SEMA6D: variants seen among roughly 807,000 people sequenced by gnomAD.
SEMA6D encodes the protein semaphorin 6D.
SEMA6D carries 35 observed loss-of-function variants against 106.6 expected under a neutral mutation model. The observed-to-expected ratio is 0.33, with a 90% CI of 0.25 to 0.44. SEMA6D has a LOEUF of 0.44. Among genes scored for constraint, SEMA6D ranks in the 20% least tolerant of loss-of-function variants. SEMA6D has a pLI of 1.00. For synonymous variants in SEMA6D, 499 were observed against 487.7 expected (o/e 1.02, Z -0.31); for missense variants, 1,185 against 1,345.9 (o/e 0.88, Z 1.87).
chr15:47,573,205 C>CA (rs200051619), intron 3 of SEMA6D, among the ~76,000 whole-genome samples: 2,506 of 151,004 alleles, frequency 0.017, 41 homozygotes, highest in South Asian at 0.03. Flanking sequence ...TTTGATTTAA[C>CA]AAAAAAATCA....
chr15:47,479,376 G>A (rs2141276253), intron 3 of SEMA6D, among the ~76,000 whole-genome samples: 1 of 152,152 alleles, frequency 6.6e-6, no homozygotes, highest in African/African-American at 2.4e-5. Context: ...GTAAGAGGCA[G>A]GCTTGATGCT....
At chr15:47,555,360 C>T (rs573884823) in intron 3 of SEMA6D, among the ~76,000 whole-genome samples, 1 of 152,246 alleles carries the variant, frequency 6.6e-6, no homozygotes, top group South Asian at 2.1e-4. Flanking sequence ...AAAGAGAACT[C>T]ATTCATGCCA....
At chr15:47,419,204 A>G (rs1409429382) in intron 2 of SEMA6D, among the ~76,000 whole-genome samples, 3 of 152,120 alleles carry the variant, frequency 2.0e-5, no homozygotes, top group African/African-American at 7.2e-5. Context: ...ATAGAAGAGA[A>G]TATTTAAAAT....
chr15:47,281,780 T>C (rs2035134771), intron 1 of SEMA6D, among the ~76,000 whole-genome samples: 1 of 152,174 alleles, frequency 6.6e-6, no homozygotes, highest in African/African-American at 2.4e-5. Flanking sequence ...AATCTTTGCT[T>C]TGTTGTAACA....
intron 4 of SEMA6D, among the ~76,000 whole-genome samples, chr15:47,652,023 C>A (rs2077701971): frequency 6.6e-6 from 1 of 152,192 alleles, no homozygotes; most frequent in Non-Finnish European, 1.5e-5. Context: ...GTGGTGATCT[C>A]ATCCTACTCT....
At chr15:47,507,343 C>A (rs1293215381) in intron 3 of SEMA6D, among the ~76,000 whole-genome samples, 2 of 111,892 alleles carry the variant, frequency 1.8e-5, no homozygotes, top group African/African-American at 6.7e-5. Flanking sequence ...TGGGACACCC[C>A]CCCCCACCCC....
At chr15:47,651,265 A>T (rs551861267) in intron 4 of SEMA6D, among the ~76,000 whole-genome samples, 37 of 152,122 alleles carry the variant, frequency 2.4e-4, no homozygotes, top group Non-Finnish European at 4.3e-4. Flanking sequence ...TTAGCCAGGC[A>T]TAGTGACATG....
chr15:47,508,977 C>T (rs765662311), intron 3 of SEMA6D, among the ~76,000 whole-genome samples: 7 of 151,878 alleles, frequency 4.6e-5, no homozygotes, highest in Non-Finnish European at 1.0e-4. Context: ...AGAACTGAAA[C>T]TCAGTATTTT....
intron 1 of SEMA6D, among the ~76,000 whole-genome samples, chr15:47,726,995 T>C (rs1018274483): frequency 6.6e-6 from 1 of 152,194 alleles, no homozygotes; most frequent in African/African-American, 2.4e-5. Context: ...GCTGGAGATT[T>C]ACCCTAGACC....
intron 3 of SEMA6D, among the ~76,000 whole-genome samples, chr15:47,524,117 G>C (rs1054750885): frequency 6.6e-6 from 1 of 152,174 alleles, no homozygotes; most frequent in East Asian, 1.9e-4. Context: ...TATTGCCACC[G>C]ATACAAACTG....
At chr15:47,448,125 C>A (rs951252623) in intron 2 of SEMA6D, among the ~76,000 whole-genome samples, 2 of 152,108 alleles carry the variant, frequency 1.3e-5, no homozygotes, top group Non-Finnish European at 2.9e-5. Context: ...TTTGCACAGG[C>A]TGGCTTGCTG....
intron 1 of SEMA6D, among the ~76,000 whole-genome samples, chr15:47,757,300 A>G (rs1597024669): frequency 1.3e-5 from 2 of 152,288 alleles, no homozygotes; most frequent in East Asian, 3.9e-4. Flanking sequence ...ATTAATTGGT[A>G]TTTCTAATTA....
intron 1 of SEMA6D, among the ~76,000 whole-genome samples, chr15:47,269,541 T>C (rs2034466048): frequency 1.3e-5 from 2 of 152,276 alleles, no homozygotes; most frequent in South Asian, 4.1e-4. Context: ...ATTTTTACTT[T>C]TATCTTTAAT....
In SEMA6D at chr15:47,771,923, G is replaced by C; in HGVS notation, c.*138G>C. Reference sequence around the variant, plus strand: ...GGCCAAAGAAACTCTTTCTAACTTTGGCAACATCAGAACTTGCCACATGTA... The same window carrying C: ...GGCCAAAGAAACTCTTTCTAACTTTCGCAACATCAGAACTTGCCACATGTA... On this transcript the variant is annotated 3_prime_UTR_variant, in exon 19 of 19. Coordinates refer to ENST00000536845, the MANE Select transcript of SEMA6D (RefSeq NM_001358351.3). 2.2e-6 allele frequency: 2 copies of C among 902,956 alleles called. No homozygotes were observed. The highest frequency in any genetic ancestry group is 3.4e-6 in the Non-Finnish European group (2 of 594,046). The allele number at this position is 902,956 out of a possible 1,614,324, so 55.9% of individuals were successfully genotyped here.
At chr15:47,187,499 A>G (rs925288497) in intron 1 of SEMA6D, among the ~76,000 whole-genome samples, 1 of 152,194 alleles carries the variant, frequency 6.6e-6, no homozygotes, top group East Asian at 1.9e-4. Flanking sequence ...TAAAAAGAAC[A>G]TCATTGATGT....
intron 1 of SEMA6D, among the ~76,000 whole-genome samples, chr15:47,195,720 C>T (rs371589168): frequency 2.2e-4 from 34 of 152,048 alleles, no homozygotes; most frequent in Middle Eastern, 3.2e-3. Flanking sequence ...ATCTTGTGCT[C>T]GCCGTGTTTG....
At chr15:47,646,578 G>A (rs1355422594) in intron 4 of SEMA6D, among the ~76,000 whole-genome samples, 1 of 152,164 alleles carries the variant, frequency 6.6e-6, no homozygotes, top group East Asian at 1.9e-4. Context: ...ATGTTCTGGG[G>A]ACAGTGTGAT....
intron 1 of SEMA6D, among the ~76,000 whole-genome samples, chr15:47,215,668 C>T (rs967286143): frequency 6.6e-6 from 1 of 152,082 alleles, no homozygotes; most frequent in African/African-American, 2.4e-5. Flanking sequence ...TATAATAAAT[C>T]AGTTTCACAA....
chr15:47,560,091 A>C (rs1228112168), intron 3 of SEMA6D, among the ~76,000 whole-genome samples: 2 of 152,162 alleles, frequency 1.3e-5, no homozygotes, highest in Non-Finnish European at 2.9e-5. Context: ...AAAAACAAAA[A>C]TAATTATCTT....
Sources: gnomAD v4.1 joint callset for allele counts (sites outside exome capture counted in the v4.1 genomes callset) on GRCh38, gnomAD v4.1.1 for gene constraint, MANE v1.5 for transcripts, NCBI Gene and HGNC (gene_info 2026-07-23, HGNC 2026-07-21) for gene names.